Variants in RAB39A observed in about 807,000 individuals in gnomAD.
The protein encoded by RAB39A is ras-related protein Rab-39A.
In RAB39A, 17 loss-of-function variants were observed where a neutral mutation model predicts 20.9. The observed-to-expected ratio is 0.81, with a 90% confidence interval of 0.56 to 1.22. RAB39A has a LOEUF of 1.22. Among genes scored for constraint, RAB39A ranks in the 50% most tolerant of loss-of-function variants. RAB39A has a pLI of 0.00. For synonymous variants in RAB39A, 99 were observed against 103.4 expected (o/e 0.96, Z 0.26); for missense variants, 234 against 270.5 (o/e 0.87, Z 0.95).
chr11:107,960,536 G>A (rs982088856), intron 1 of RAB39A, among the ~76,000 whole-genome samples: 10 of 152,154 alleles, frequency 6.6e-5, no homozygotes, highest in Admixed American at 1.3e-4. Flanking sequence ...GTATAGCCTT[G>A]ACACCTTGCC....
At chr11:107,947,831 G>C (rs967254175) in intron 1 of RAB39A, among the ~76,000 whole-genome samples, 83 of 76,114 alleles carry the variant, frequency 1.1e-3, no homozygotes, top group African/African-American at 3.6e-3. Flanking sequence ...AAAAAAAAAA[G>C]AATAAAAATC....
At chr11:107,934,497 TC>T (rs1861172802) in intron 1 of RAB39A, among the ~76,000 whole-genome samples, 1 of 152,102 alleles carries the variant, frequency 6.6e-6, no homozygotes, top group Non-Finnish European at 1.5e-5. Flanking sequence ...TGGGAATAGC[TC>T]CCTTGATAAG....
At chr11:107,935,900 C>CTTTT (rs561399074) in intron 1 of RAB39A, among the ~76,000 whole-genome samples, 20 of 81,574 alleles carry the variant, frequency 2.5e-4, no homozygotes, top group African/African-American at 8.9e-4. Context: ...GTCCTGGCCA[C>CTTTT]TTTTTTTTTT....
chr11:107,953,567 C>T (rs1861403860), intron 1 of RAB39A, among the ~76,000 whole-genome samples: 2 of 152,168 alleles, frequency 1.3e-5, no homozygotes, highest in South Asian at 4.1e-4. Flanking sequence ...GCTGCTAATT[C>T]AGTAGAAGCA....
chr11:107,951,193 C>T (rs1261419873), intron 1 of RAB39A, among the ~76,000 whole-genome samples: 2 of 152,170 alleles, frequency 1.3e-5, no homozygotes, highest in East Asian at 1.9e-4. Context: ...AGGGCAGGGA[C>T]TGTTAGAGTC....
chr11:107,937,304 A>T (rs1021183249), intron 1 of RAB39A, among the ~76,000 whole-genome samples: 13 of 141,540 alleles, frequency 9.2e-5, no homozygotes, highest in Admixed American at 7.1e-4. Context: ...CCAGCTAATT[A>T]AAAAAAAAAA....
chr11:107,946,432 GTGTGTATATA>G (rs1170557926), intron 1 of RAB39A, among the ~76,000 whole-genome samples: 438 of 21,092 alleles, frequency 0.021, 3 homozygotes, highest in Middle Eastern at 0.036. Flanking sequence ...GTGTGTGTGT[GTGTGTATATA>G]TATATATATA....
intron 1 of RAB39A, among the ~76,000 whole-genome samples, chr11:107,958,520 A>G (rs533947417): frequency 6.6e-6 from 1 of 152,302 alleles, no homozygotes; most frequent in Admixed American, 6.5e-5. Context: ...ACAGTGCCCA[A>G]TTGTTTTAGG....
rs749990580 is a variant in RAB39A at position 107,962,261 on chromosome 11, G to C, written c.543G>C (p.Lys181Asn). Residue 181 changes from lysine (K) to asparagine (N), a missense_variant, in exon 2 of 2, where the codon AAG becomes AAC. Coordinates refer to ENST00000320578, the MANE Select transcript of RAB39A (RefSeq NM_017516.3). ...GAGACATATATGAACTTATTAAAAA[G>C]GGAGAAATTTGTATTCAGGATGGCT... ...LTRDIYELIK[K>N]GEICIQDGWE... 2 of 1,613,846 alleles carry C rather than the reference G, an allele frequency of 1.2e-6. No homozygotes were observed. The highest frequency in any genetic ancestry group is 1.1e-5 in the South Asian group (1 of 91,074).
At chr11:107,934,028 C>T (rs565839143) in intron 1 of RAB39A, among the ~76,000 whole-genome samples, 3 of 152,168 alleles carry the variant, frequency 2.0e-5, no homozygotes, top group Non-Finnish European at 4.4e-5. Flanking sequence ...ATGGCACTCT[C>T]TTAAAAATTC....
chr11:107,937,152 T>C (rs2134953046), intron 1 of RAB39A, among the ~76,000 whole-genome samples: 1 of 152,266 alleles, frequency 6.6e-6, no homozygotes, highest in East Asian at 1.9e-4. Flanking sequence ...ATTTGTTTTT[T>C]AGAGACAGAG....
intron 1 of RAB39A, among the ~76,000 whole-genome samples, chr11:107,931,516 T>C (rs1174533924): frequency 6.6e-6 from 1 of 152,232 alleles, no homozygotes; most frequent in Non-Finnish European, 1.5e-5. Flanking sequence ...CCAGAATGTT[T>C]TACCTTAAGA....
intron 1 of RAB39A, among the ~76,000 whole-genome samples, chr11:107,940,427 C>A (rs984863566): frequency 2.0e-5 from 3 of 151,814 alleles, no homozygotes; most frequent in African/African-American, 7.3e-5. Context: ...CCACGCCTGG[C>A]TAATTTTTGT....
rs1013417219 is a variant in RAB39A, at chr11:107,951,260, A to G, written c.228-10686A>G. On this transcript the variant is annotated intron_variant, in intron 1 of 1. Coordinates refer to ENST00000320578, the MANE Select transcript of RAB39A (RefSeq NM_017516.3). ...TTTTAGCCTCTTGAAAACAGTGCTG[A>G]GGGCCACAAGGCAAGTGAAGCAAAT... Among the ~76,000 whole-genome samples the G allele has an allele frequency of 2.0e-5, 3 of 152,236 alleles. No homozygotes were observed. The East Asian group carries it at 5.8e-4, about 29-fold the overall frequency.
intron 1 of RAB39A, among the ~76,000 whole-genome samples, chr11:107,959,867 A>T (rs1861477156): frequency 6.6e-6 from 1 of 152,226 alleles, no homozygotes; most frequent in Non-Finnish European, 1.5e-5. Context: ...ACTGAGACTC[A>T]TGGGATCTCT....
Position 107,946,460 on chromosome 11 carries a change from A to AT in RAB39A, c.228-15456dup, listed in dbSNP as rs869125579. ...TGTATATATATATATATATATATAT[A>AT]TTTTTTTTTTTTTTTTTTTTTTTTT... On this transcript the variant is annotated intron_variant, in intron 1 of 1. Transcript: ENST00000320578. Among the ~76,000 whole-genome samples, 84 of 15,762 alleles carry AT rather than the reference A, an allele frequency of 5.3e-3. 3 individuals are homozygous for AT. Among genetic ancestry groups the AT allele is most frequent in the Middle Eastern group, 0.12 (1 of 8 alleles). The allele number at this position is 15,762 out of a possible 152,430, so 10.3% of individuals were successfully genotyped here. A position where few individuals can be genotyped will look rare whatever the true frequency, so the allele number is the denominator to read the frequency against.
intron 1 of RAB39A, among the ~76,000 whole-genome samples, chr11:107,941,559 A>C (rs761380940): frequency 1.3e-5 from 2 of 152,128 alleles, no homozygotes; most frequent in African/African-American, 4.8e-5. Context: ...AAATTAAAAG[A>C]TTTATCTTCT....
chr11:107,937,007 A>G (rs926285268), intron 1 of RAB39A, among the ~76,000 whole-genome samples: 2 of 152,180 alleles, frequency 1.3e-5, no homozygotes, highest in Admixed American at 6.5e-5. Flanking sequence ...AGAGATGACC[A>G]TAATCACTGC....
chr11:107,957,851 T>A (rs1435860556), intron 1 of RAB39A, among the ~76,000 whole-genome samples: 1 of 152,132 alleles, frequency 6.6e-6, no homozygotes, highest in African/African-American at 2.4e-5. Context: ...ACCCCACAAT[T>A]TTTTTCCTTC....
Sources: allele counts gnomAD v4.1 joint callset (sites outside exome capture counted in the v4.1 genomes callset), GRCh38; gene constraint gnomAD v4.1.1; transcripts MANE v1.5; gene names NCBI Gene and HGNC (gene_info 2026-07-23, HGNC 2026-07-21).